Variants in SEC16B observed in about 807,000 individuals in gnomAD.
The protein encoded by SEC16B is protein transport protein Sec16B.
SEC16B carries 115 observed loss-of-function variants against 141.8 expected under a neutral mutation model. That is an observed-to-expected ratio of 0.81 (90% CI 0.70 to 0.95). The LOEUF (loss-of-function observed/expected upper bound fraction) is 0.95, where lower values mean the gene tolerates loss of function less well. SEC16B is among the 40% of genes least tolerant of loss of function. SEC16B has a pLI of 0.00. For synonymous variants in SEC16B, 493 were observed against 492.5 expected, an observed-to-expected ratio of 1.00 and a Z score of -0.01; for missense variants, 1,291 against 1,312.3, an observed-to-expected ratio of 0.98 and a Z score of 0.25.
intron 12 of SEC16B, chr1:177,948,459 A>C (rs933261938): frequency 7.7e-7 from 1 of 1,302,366 alleles, no homozygotes; most frequent in African/African-American, 1.5e-5. Flanking sequence ...CAGGAACCCT[A>C]TGAAGTCTAG....
chr1:177,929,536 G>A lies in SEC16B; in HGVS notation c.*322C>T, dbSNP rs528339269. 69 of 339,906 alleles carry A rather than the reference G, an allele frequency of 2.0e-4. No individual in the cohort carries two copies. Among genetic ancestry groups the A allele is most frequent in the Non-Finnish European group, 3.4e-4 (62 of 181,258 alleles). The allele number at this position is 339,906 out of a possible 1,614,324, so 21.1% of individuals were successfully genotyped here. ...GTATCATCTTTGATTCTAGCTGTTA[G>A]GGCCCTAATTTCCCCAAGGCTCTCA... is the stretch of plus-strand genomic sequence containing the variant. On this transcript the variant is annotated 3_prime_UTR_variant, in exon 26 of 26. Transcript: ENST00000308284.
chr1:177,954,185 T>C (rs1652416747), intron 11 of SEC16B, 94 bp downstream of exon 11: 1 of 839,132 alleles, frequency 1.2e-6, no homozygotes, highest in Non-Finnish European at 1.9e-6. Context: ...TGAGTCTCCT[T>C]AGCGCGTCTG....
chr1:177,947,267 C>T (rs1482094126), intron 13 of SEC16B, among the ~76,000 whole-genome samples: 3 of 152,124 alleles, frequency 2.0e-5, no homozygotes, highest in Non-Finnish European at 4.4e-5. Context: ...GCCCCCTAAG[C>T]GTTTATAAGG....
intron 11 of SEC16B, 48 bp downstream of exon 11, chr1:177,954,231 A>T (rs1652420028): frequency 7.2e-7 from 1 of 1,386,692 alleles, no homozygotes; most frequent in Non-Finnish European, 1.0e-6. Flanking sequence ...ACCTTTGGTG[A>T]GGAGGCCTCT....
In SEC16B at chr1:177,982,906, A is replaced by G. The variant is rs148384823; in HGVS notation, c.-59+1300T>C. On this transcript the variant is annotated intron_variant and NMD_transcript_variant, in intron 1 of 24. Coordinates refer to the SEC16B transcript ENST00000528461. ...CATTTGAAAACAGAAATAGATATTT[A>G]AGATGAGTCTGTGTGGAATTGCTCC... Among the ~76,000 whole-genome samples the G allele has an allele frequency of 4.2e-3, 639 of 152,346 alleles. 13 individuals carry two copies. Among genetic ancestry groups the G allele is most frequent in the Admixed American group, 0.035 (536 of 15,302 alleles).
Position 177,932,343 on chromosome 1 carries a change from CT to C in SEC16B, c.3012+146del, listed in dbSNP as rs549880883. ...TGGTCTGAGCCTCTGTTCTGTGGTA[CT>C]TTGTTATGACAGCCTGAGCAAACTA... On this transcript the variant is annotated intron_variant, in intron 24 of 25. Transcript: ENST00000308284. 1.3e-3 allele frequency: 735 copies of C among 573,508 alleles called. 6 individuals are homozygous for C. Among genetic ancestry groups the C allele is most frequent in the African/African-American group, 0.013 (656 of 51,378 alleles). 35.5% of individuals were successfully genotyped at this position (573,508 alleles called of 1,614,324 possible).
intron 1 of SEC16B, among the ~76,000 whole-genome samples, chr1:177,977,036 A>G (rs1430083825): frequency 2.0e-5 from 3 of 152,224 alleles, no homozygotes; most frequent in Admixed American, 6.5e-5. Context: ...TTTCTTTTCT[A>G]AACAATTTTA....
At position 177,937,467 on chromosome 1, in the gene SEC16B, T is replaced by C. The variant is rs764802682; in HGVS notation, c.2250A>G (p.Glu750=). The change falls in exon 19 of 26, where the codon GAA becomes GAG. Residue 750 remains glutamate, a synonymous_variant. Coordinates refer to ENST00000308284, the MANE Select transcript of SEC16B (RefSeq NM_033127.4). The part of the protein sequence containing the change: ...QDFSGCQGYS[E]APGYRSALWL... ...ACAGAGCTGAGCGGTACCCAGGGGCTTCAGAGTAGCCTTGACATCCAGAAA... is the reference window on the plus strand; with the variant it reads ...ACAGAGCTGAGCGGTACCCAGGGGCCTCAGAGTAGCCTTGACATCCAGAAA... The C allele has an allele frequency of 6.3e-7, 1 of 1,591,232 alleles. No individual in the cohort carries two copies. Among genetic ancestry groups the C allele is most frequent in the Non-Finnish European group, 8.6e-7 (1 of 1,169,000 alleles).
intron 12 of SEC16B, among the ~76,000 whole-genome samples, chr1:177,949,418 AC>A (rs1651994288): frequency 6.6e-6 from 1 of 151,490 alleles, no homozygotes; most frequent in African/African-American, 2.4e-5. Flanking sequence ...ACACACACAC[AC>A]ACACACACAC....
At chr1:177,930,712 A>G (rs550220133) in intron 24 of SEC16B, 69 bp from the exon 25 acceptor site, 7 of 1,079,522 alleles carry the variant, frequency 6.5e-6, no homozygotes, top group Middle Eastern at 4.0e-4. Flanking sequence ...CGAGGCCTTC[A>G]AGAAGCATAT....
chr1:177,964,333 T>G, intron 4 of SEC16B, 54 bp from the exon 5 acceptor site: 2 of 1,326,450 alleles, frequency 1.5e-6, no homozygotes, highest in Non-Finnish European at 2.1e-6. Context: ...CCAGCAAGGC[T>G]GAGGCACTCT....
rs12071916 is a variant in SEC16B at position 177,946,648 on chromosome 1, A to T, written c.1664-117T>A. 2.7e-3 allele frequency: 1,884 copies of T among 686,640 alleles called. 27 individuals carry two copies. The African/African-American group carries it at 0.028, about 10-fold the overall frequency. The allele number at this position is 686,640 out of a possible 1,614,324, so 42.5% of individuals were successfully genotyped here. On this transcript the variant is annotated intron_variant, in intron 13 of 25. Transcript: ENST00000308284. ...CCTCGGGGGTCAGAGGGGAGAAGCC[A>T]CATGGGACTAAATGAATGAGCCTTT...
chr1:177,967,374 C>T (rs1284186117), intron 2 of SEC16B, among the ~76,000 whole-genome samples: 1 of 152,148 alleles, frequency 6.6e-6, no homozygotes, highest in East Asian at 1.9e-4. Context: ...CAAGAGGGTT[C>T]CATCTGCTGT....
chr1:177,957,979 G>A, intron 10 of SEC16B, 153 bp downstream of exon 10: 1 of 435,810 alleles, frequency 2.3e-6, no homozygotes. Context: ...GTAGAACTAT[G>A]GGTGTTTTCA....
chr1:177,929,872 T>C lies in SEC16B; in HGVS notation c.3169A>G (p.Thr1057Ala), dbSNP rs754850502. The change falls in exon 26 of 26, where the codon ACC becomes GCC. Residue 1057 changes from threonine to alanine, a missense_variant. Thr to Ala is a moderately conservative substitution (Grantham distance 58). This residue lies in a region of SEC16B where 605 missense variants were observed against 614.1 expected (regional missense o/e 0.99). Transcript: ENST00000308284. ...TGTGTTTATTCTCAGCATGGCTGGG[T>C]GGGATAGCGACGCTGAGCTAGGCGA... Reference protein sequence around the residue: ...PNRLAQRRYPTQPC With the variant: ...PNRLAQRRYPAQPC The C allele has an allele frequency of 6.8e-6, 11 of 1,613,548 alleles. No homozygotes were observed. The highest frequency in any genetic ancestry group is 1.3e-5 in the African/African-American group (1 of 74,858).
chr1:177,953,917 C>G (rs766919535), intron 11 of SEC16B, among the ~76,000 whole-genome samples: 1 of 152,074 alleles, frequency 6.6e-6, no homozygotes, highest in African/African-American at 2.4e-5. Context: ...CAACTGCTTA[C>G]GTCAAAGACC....
At chr1:177,946,574 G>T in intron 13 of SEC16B, 43 bp from the exon 14 acceptor site, 4 of 1,447,928 alleles carry the variant, frequency 2.8e-6, no homozygotes, top group Non-Finnish European at 3.8e-6. Flanking sequence ...GAGCACACCC[G>T]TATGGGGAGC....
At chr1:177,961,446 C>T (rs1653050615) in intron 6 of SEC16B, 144 bp downstream of exon 6, 6 of 787,948 alleles carry the variant, frequency 7.6e-6, no homozygotes, top group Non-Finnish European at 1.2e-5. Flanking sequence ...AAAATGGAAC[C>T]AAAGTTGACC....
chr1:177,947,946 A>C lies in SEC16B; in HGVS notation c.1546-4T>G. On this transcript the variant is annotated splice_polypyrimidine_tract_variant and splice_region_variant and intron_variant, in intron 12 of 25. Transcript: ENST00000308284. ...CCCACTGCTTTTCTCCACAACACTG[A>C]AAAGCACCAGAAAAAATAAATGTAC... The C allele has an allele frequency of 1.3e-6, 2 of 1,537,914 alleles. No homozygotes were observed. Among genetic ancestry groups the C allele is most frequent in the Non-Finnish European group, 1.8e-6 (2 of 1,133,804 alleles).
Sources: allele counts gnomAD v4.1 joint callset (sites outside exome capture counted in the v4.1 genomes callset), GRCh38; gene constraint gnomAD v4.1.1; regional missense constraint gnomAD v4.1.1; transcripts MANE v1.5; gene names NCBI Gene and HGNC (gene_info 2026-07-23, HGNC 2026-07-21).